GRK5: variants seen among roughly 807,000 people sequenced by gnomAD.
GRK5 encodes the protein g protein-coupled receptor kinase GRK5.
Under a neutral mutation model 78.4 loss-of-function variants are expected in GRK5, and 40 were observed. The observed-to-expected ratio is 0.51, with a 90% confidence interval of 0.40 to 0.66. The LOEUF is 0.66. Among genes scored for constraint, GRK5 ranks in the 30% least tolerant of loss-of-function variants. GRK5 has a pLI of 0.00. For missense variants in GRK5, 598 were observed against 759.9 expected (o/e 0.79, Z 2.50); for synonymous variants, 289 against 296.8 (o/e 0.97, Z 0.27).
intron 1 of GRK5, among the ~76,000 whole-genome samples, chr10:119,273,320 G>A (rs924841761): frequency 6.6e-6 from 1 of 152,202 alleles, no homozygotes; most frequent in African/African-American, 2.4e-5. Context: ...CATTAAAAGG[G>A]GGCTTTGATG....
At chr10:119,244,300 A>T (rs1263960194) in intron 1 of GRK5, among the ~76,000 whole-genome samples, 1 of 152,276 alleles carries the variant, frequency 6.6e-6, no homozygotes, top group Non-Finnish European at 1.5e-5. Context: ...CACTGCTCTA[A>T]AGTAAATTGT....
intron 1 of GRK5, among the ~76,000 whole-genome samples, chr10:119,254,075 A>G (rs1193382393): frequency 6.6e-6 from 1 of 152,228 alleles, no homozygotes; most frequent in Non-Finnish European, 1.5e-5. Context: ...ACAGCGGGGA[A>G]AGATGAGCCA....
intron 1 of GRK5, among the ~76,000 whole-genome samples, chr10:119,285,095 A>C (rs1260607190): frequency 1.6e-4 from 24 of 152,158 alleles, no homozygotes; most frequent in Admixed American, 1.6e-3. Flanking sequence ...CAAAGAGAGG[A>C]GGTCTCAGGG....
Position 119,443,061 on chromosome 10 carries a change from A to C in GRK5, c.1058-483A>C, listed in dbSNP as rs1037323478. 2.6e-5 allele frequency among the ~76,000 whole-genome samples: 4 copies of C among 152,342 alleles called. No individual in the cohort carries two copies. In the South Asian group the frequency reaches 8.3e-4, roughly 32 times the overall value. ...CACATGTGTGGATGCATTTCCCTCC[A>C]GACATACGTGCTGATGCTGCAGAAC... On this transcript the variant is annotated intron_variant, in intron 11 of 15. Transcript: ENST00000392870.
intron 1 of GRK5, among the ~76,000 whole-genome samples, chr10:119,299,691 A>T (rs185994721): frequency 6.6e-6 from 1 of 152,258 alleles, no homozygotes; most frequent in African/African-American, 2.4e-5. Context: ...GCAGAGAAGG[A>T]ATGGGTTGAA....
At chr10:119,316,840 G>A (rs1012605586) in intron 1 of GRK5, among the ~76,000 whole-genome samples, 28 of 152,052 alleles carry the variant, frequency 1.8e-4, no homozygotes, top group African/African-American at 6.3e-4. Flanking sequence ...GCACATGGTC[G>A]AACCCAGTGT....
intron 1 of GRK5, among the ~76,000 whole-genome samples, chr10:119,321,977 A>G (rs1850593054): frequency 1.3e-5 from 2 of 151,612 alleles, no homozygotes; most frequent in Non-Finnish European, 2.9e-5. Context: ...CCACATCCCT[A>G]CCCTTGACTT....
chr10:119,328,084 T>C (rs1200349684), intron 2 of GRK5, among the ~76,000 whole-genome samples: 1 of 152,210 alleles, frequency 6.6e-6, no homozygotes, highest in Non-Finnish European at 1.5e-5. Context: ...AGACCATGTG[T>C]GTAAAGGGCT....
intron 1 of GRK5, among the ~76,000 whole-genome samples, chr10:119,313,009 C>CT (rs1564886922): frequency 1.8e-4 from 1 of 5,640 alleles, no homozygotes; most frequent in African/African-American, 5.7e-4. Context: ...GTGGTCGTGA[C>CT]GGTGATGGTA....
chr10:119,363,576 T>C (rs901567671), intron 2 of GRK5, among the ~76,000 whole-genome samples: 1 of 152,196 alleles, frequency 6.6e-6, no homozygotes, highest in Non-Finnish European at 1.5e-5. Flanking sequence ...AGGGCTGCTA[T>C]GGAAACTCTG....
In GRK5 at chr10:119,452,560, G is replaced by A; in HGVS notation, c.1405-111G>A. ...CAGCCACTACCCATAGCAGTTCTGGGGGTGTGTCCTGGGAAGACTCCCTTC... is the reference window on the plus strand; with the variant it reads ...CAGCCACTACCCATAGCAGTTCTGGAGGTGTGTCCTGGGAAGACTCCCTTC... On this transcript the variant is annotated intron_variant, in intron 13 of 15. Transcript: ENST00000392870. The surrounding 1 kb of genome is among the most constrained non-coding windows in gnomAD (Gnocchi z 4.4). The A allele has an allele frequency of 7.8e-7, 1 of 1,286,206 alleles. No individual in the cohort carries two copies. The highest frequency in any genetic ancestry group is 1.4e-5 in the South Asian group (1 of 73,312). 79.7% of individuals were successfully genotyped at this position (1,286,206 alleles called of 1,614,324 possible).
intron 2 of GRK5, among the ~76,000 whole-genome samples, chr10:119,328,254 G>A (rs1210201344): frequency 1.3e-5 from 2 of 152,232 alleles, no homozygotes; most frequent in Non-Finnish European, 2.9e-5. Flanking sequence ...GAAGAGAAGA[G>A]GGGCTGTGTT....
intron 10 of GRK5, among the ~76,000 whole-genome samples, chr10:119,440,936 C>T (rs1309070956): frequency 6.6e-6 from 1 of 152,166 alleles, no homozygotes; most frequent in African/African-American, 2.4e-5. Flanking sequence ...CAAAACTGAG[C>T]CTCAGGGGAG....
intron 4 of GRK5, among the ~76,000 whole-genome samples, chr10:119,398,581 T>A (rs1437631668): frequency 6.6e-6 from 1 of 152,214 alleles, no homozygotes; most frequent in Admixed American, 6.5e-5. Flanking sequence ...CCCAGTCACA[T>A]GTGTCCCCCC....
intron 3 of GRK5, among the ~76,000 whole-genome samples, chr10:119,395,079 G>A (rs757263813): frequency 3.0e-4 from 43 of 143,686 alleles, no homozygotes; most frequent in Non-Finnish European, 4.2e-4. Context: ...AGAGGCCAGC[G>A]CGCCAGTCCA....
At chr10:119,269,803 A>G (rs1296461928) in intron 1 of GRK5, among the ~76,000 whole-genome samples, 2 of 148,082 alleles carry the variant, frequency 1.4e-5, no homozygotes, top group Non-Finnish European at 3.0e-5. Flanking sequence ...ACTGCACTCC[A>G]GCCTGCAAGA....
intron 1 of GRK5, among the ~76,000 whole-genome samples, chr10:119,294,379 G>T (rs79206543): frequency 0.021 from 3,123 of 152,276 alleles, 94 homozygotes; most frequent in African/African-American, 0.064. Context: ...GGACCTAGGA[G>T]TTGGGGTGAG....
chr10:119,279,786 G>A (rs1849731330), intron 1 of GRK5, among the ~76,000 whole-genome samples: 1 of 152,252 alleles, frequency 6.6e-6, no homozygotes, highest in South Asian at 2.1e-4. Flanking sequence ...GCTCTCCCTC[G>A]AGGAGCCTAC....
chr10:119,272,642 T>G (rs1849602862), intron 1 of GRK5, among the ~76,000 whole-genome samples: 1 of 149,718 alleles, frequency 6.7e-6, no homozygotes, highest in Non-Finnish European at 1.5e-5. Flanking sequence ...CTCTATTTCA[T>G]GGGGTCGTTG....
Sources: allele counts gnomAD v4.1 joint callset (sites outside exome capture counted in the v4.1 genomes callset), GRCh38; gene constraint gnomAD v4.1.1; non-coding constraint Gnocchi (gnomAD v3.1); transcripts MANE v1.5; gene names NCBI Gene and HGNC (gene_info 2026-07-23, HGNC 2026-07-21).